ADAM10: variants seen among roughly 807,000 people sequenced by gnomAD.
The protein encoded by ADAM10 is disintegrin and metalloproteinase domain-containing protein 10.
In ADAM10, 17 loss-of-function variants were observed where a neutral mutation model predicts 90.1. That is an observed-to-expected ratio of 0.19 (90% confidence interval 0.13 to 0.28). ADAM10 has a LOEUF of 0.28. Among genes scored for constraint, ADAM10 ranks in the 10% least tolerant of loss-of-function variants. ADAM10 has a pLI of 1.00. For synonymous variants in ADAM10, 310 were observed against 298.6 expected (o/e 1.04, Z -0.40); for missense variants, 610 against 914.3 (o/e 0.67, Z 4.29).
chr15:58,691,319 C>T (rs1392055425), intron 2 of ADAM10: 1 of 1,227,554 alleles, frequency 8.1e-7, no homozygotes. Flanking sequence ...CATCAAATTC[C>T]TTGAGCTGCT....
At chr15:58,730,682 G>C (rs530327672) in intron 1 of ADAM10, among the ~76,000 whole-genome samples, 1 of 152,262 alleles carries the variant, frequency 6.6e-6, no homozygotes, top group African/African-American at 2.4e-5. Context: ...CTAGAGAGCT[G>C]GTAAAGCATT....
chr15:58,589,110 T>TC lies in ADAM10; in HGVS notation c.*8436dup, dbSNP rs1894773637. The TC allele has an allele frequency of 1.3e-5, 2 of 152,340 alleles. No individual in the cohort carries two copies. Among genetic ancestry groups the TC allele is most frequent in the East Asian group, 3.9e-4 (2 of 5,194 alleles). 9.4% of individuals were successfully genotyped at this position (152,340 alleles called of 1,614,324 possible). A position where few individuals can be genotyped will look rare whatever the true frequency, so the allele number is the denominator to read the frequency against. ...TAACTTTTGTGCCTATCTTGTGAAA[T>TC]CAGCTTCATTGCCTATTTACAAAGC... On this transcript the variant is annotated 3_prime_UTR_variant, in exon 16 of 16. Coordinates refer to ENST00000260408, the MANE Select transcript of ADAM10 (RefSeq NM_001110.4).
chr15:58,643,869 C>G lies in ADAM10; in HGVS notation c.828+17G>C. The stretch of plus-strand genomic sequence containing the variant: ...TGTTTCACTTTTTAAGTGTTTTTAA[C>G]TATTTAAGTTCCTTACTCTTATGCG... On this transcript the variant is annotated intron_variant, in intron 7 of 15. Transcript: ENST00000260408. The G allele has an allele frequency of 1.3e-6, 2 of 1,576,298 alleles. No individual in the cohort carries two copies. The highest frequency in any genetic ancestry group is 1.1e-5 in the South Asian group (1 of 90,304).
chr15:58,626,769 G>A (rs1422899614), intron 10 of ADAM10, among the ~76,000 whole-genome samples: 1 of 152,096 alleles, frequency 6.6e-6, no homozygotes, highest in Non-Finnish European at 1.5e-5. Context: ...AATTCATAAA[G>A]ACAGAAAGTG....
chr15:58,700,611 GCCT>G, intron 2 of ADAM10, among the ~76,000 whole-genome samples: 1 of 152,082 alleles, frequency 6.6e-6, no homozygotes, highest in Non-Finnish European at 1.5e-5. Flanking sequence ...AGCAATAAAT[GCCT>G]ACCTCAAAAA....
intron 4 of ADAM10, among the ~76,000 whole-genome samples, chr15:58,667,213 T>G (rs1341286141): frequency 6.6e-6 from 1 of 152,166 alleles, no homozygotes; most frequent in Non-Finnish European, 1.5e-5. Context: ...TTGCCTTTCT[T>G]CCAGTTCCTC....
chr15:58,692,948 G>C (rs1344570314), intron 2 of ADAM10: 2 of 721,996 alleles, frequency 2.8e-6, no homozygotes, highest in East Asian at 6.0e-5. Flanking sequence ...ACCAAAGTCA[G>C]GATGCATTCC....
intron 1 of ADAM10, among the ~76,000 whole-genome samples, chr15:58,723,640 G>C (rs140423762): frequency 7.9e-5 from 12 of 151,960 alleles, no homozygotes; most frequent in African/African-American, 2.9e-4. Context: ...GGGAGACGGA[G>C]GTTGCAGTGA....
At position 58,591,247 on chromosome 15, in the gene ADAM10, C is replaced by T. The variant is rs889932488; in HGVS notation, c.*6300G>A. 42 of 152,198 alleles carry T rather than the reference C, an allele frequency of 2.8e-4. No individual in the cohort carries two copies. The highest frequency in any genetic ancestry group is 9.6e-4 in the African/African-American group (40 of 41,518). The allele number at this position is 152,198 out of a possible 1,614,324, so 9.4% of individuals were successfully genotyped here. On this transcript the variant is annotated 3_prime_UTR_variant, in exon 16 of 16. Coordinates refer to ENST00000260408, the MANE Select transcript of ADAM10 (RefSeq NM_001110.4). ...AAGAGTTCACCCTAGCAGTTGAAAT[C>T]AATTAATTATTCATTGTAACTGGAG...
At chr15:58,621,694 T>C (rs1422723898) in intron 10 of ADAM10, 73 bp from the exon 11 acceptor site, 7 of 1,565,376 alleles carry the variant, frequency 4.5e-6, no homozygotes, top group Non-Finnish European at 5.2e-6. Context: ...ACAAATTCTT[T>C]AGATCATCAT....
At chr15:58,699,439 A>G (rs1319534253) in intron 2 of ADAM10, among the ~76,000 whole-genome samples, 2 of 152,194 alleles carry the variant, frequency 1.3e-5, no homozygotes. Flanking sequence ...CCACAATGAT[A>G]AACAATAAGA....
At chr15:58,643,496 C>G (rs1896468199) in intron 7 of ADAM10, among the ~76,000 whole-genome samples, 1 of 152,014 alleles carries the variant, frequency 6.6e-6, no homozygotes, top group Non-Finnish European at 1.5e-5. Flanking sequence ...CCCTGGAACA[C>G]CAAATGGAAC....
At chr15:58,731,606 TGA>T (rs568867477) in intron 1 of ADAM10, among the ~76,000 whole-genome samples, 19 of 151,728 alleles carry the variant, frequency 1.3e-4, no homozygotes, top group South Asian at 4.2e-4. Flanking sequence ...CCAGCCTGAG[TGA>T]GAGAGTGAGA....
chr15:58,680,330 C>T (rs1897396878), intron 3 of ADAM10, among the ~76,000 whole-genome samples: 1 of 152,122 alleles, frequency 6.6e-6, no homozygotes, highest in South Asian at 2.1e-4. Context: ...GCTATGTTTC[C>T]TAGGCTGGTC....
intron 5 of ADAM10, among the ~76,000 whole-genome samples, chr15:58,649,909 T>C (rs1399951006): frequency 6.6e-6 from 1 of 152,190 alleles, no homozygotes; most frequent in East Asian, 1.9e-4. Flanking sequence ...AATTACATAA[T>C]ACATATATCA....
At position 58,595,983 on chromosome 15, in the gene ADAM10, C is replaced by T. The variant is rs1894939811; in HGVS notation, c.*1564G>A. The T allele has an allele frequency of 2.0e-5, 3 of 151,856 alleles. No individual in the cohort carries two copies. The highest frequency in any genetic ancestry group is 1.3e-4 in the Admixed American group (2 of 15,244). The allele number at this position is 151,856 out of a possible 1,614,324, so 9.4% of individuals were successfully genotyped here. ...TGTATTTTGAAAAAGTCACCACATA[C>T]TGTACAAGTTTACAAGGAAGAGATC... On this transcript the variant is annotated 3_prime_UTR_variant, in exon 16 of 16. Coordinates refer to ENST00000260408, the MANE Select transcript of ADAM10 (RefSeq NM_001110.4).
At chr15:58,662,731 C>T (rs1177703968) in intron 5 of ADAM10, among the ~76,000 whole-genome samples, 2 of 152,126 alleles carry the variant, frequency 1.3e-5, no homozygotes, top group Non-Finnish European at 2.9e-5. Flanking sequence ...AATTTCATCC[C>T]GTGCAGGCAG....
intron 11 of ADAM10, among the ~76,000 whole-genome samples, chr15:58,615,290 A>C (rs1051595206): frequency 6.6e-6 from 1 of 151,118 alleles, no homozygotes; most frequent in Non-Finnish European, 1.5e-5. Context: ...AAAAAAAAAA[A>C]AAAAAAACCA....
At chr15:58,748,821 G>A (rs1266924276) in intron 1 of ADAM10, 4 of 397,696 alleles carry the variant, frequency 1.0e-5, no homozygotes, top group Non-Finnish European at 1.8e-5. Flanking sequence ...TCCAAACACA[G>A]GACACAGGAA....
Sources: gnomAD v4.1 joint callset for allele counts (sites outside exome capture counted in the v4.1 genomes callset) on GRCh38, gnomAD v4.1.1 for gene constraint, MANE v1.5 for transcripts, NCBI Gene and HGNC (gene_info 2026-07-23, HGNC 2026-07-21) for gene names.